The following COPS5 variants were observed in gnomAD, a reference collection of about 807,000 sequenced individuals.
COPS5 encodes the protein COP9 signalosome complex subunit 5.
COPS5 carries 8 observed loss-of-function variants against 44.4 expected under a neutral mutation model. The observed-to-expected ratio is 0.18, with a 90% CI of 0.11 to 0.32. COPS5 has a LOEUF of 0.32. Ranked by LOEUF, COPS5 falls within the 10% of genes least tolerant of loss-of-function variation. The pLI, the probability that COPS5 is intolerant of heterozygous loss-of-function variation, is 1.00. For missense variants in COPS5, 159 were observed against 406.4 expected, an observed-to-expected ratio of 0.39 and a Z score of 5.23; for synonymous variants, 122 against 142.8, an observed-to-expected ratio of 0.85 and a Z score of 1.04.
chr8:67,060,268 A>T, intron 1 of COPS5: 1 of 983,162 alleles, frequency 1.0e-6, no homozygotes, highest in Non-Finnish European at 1.3e-6. Flanking sequence ...TTAGAGCCAC[A>T]ATTAGACAGT....
At chr8:67,044,735 G>A (rs1328813838) in intron 7 of COPS5, 1 of 151,818 alleles carries the variant, frequency 6.6e-6, no homozygotes, top group African/African-American at 2.4e-5. Flanking sequence ...GAATAGCTGG[G>A]ATTACAGGTG....
rs2129537994 is a variant in COPS5 at position 67,058,022 on chromosome 8, G to A, written c.507+61C>T. On this transcript the variant is annotated intron_variant, in intron 3 of 7. Transcript: ENST00000357849. ...TTTACTACACTATTCTTATTTCTCA[G>A]TATACTTGCTTCAGCAAATCTTCAT... is the stretch of plus-strand genomic sequence containing the variant. 3.2e-6 allele frequency: 5 copies of A among 1,553,054 alleles called. No homozygotes were observed. The African/African-American group carries it at 6.8e-5, about 21-fold the overall frequency.
rs998116833 is a variant in COPS5 at position 67,054,794 on chromosome 8, A to AT, written c.659+1724dup. Among the ~76,000 whole-genome samples, 12 of 152,070 alleles carry AT rather than the reference A, an allele frequency of 7.9e-5. No individual in the cohort carries two copies. The South Asian group carries it at 1.7e-3, about 21-fold the overall frequency. ...TAATCATTTATTCATTTAAGCAGCA[A>AT]TTTTTTTTGGTGCCCTCTTCTATGT... is the stretch of plus-strand genomic sequence containing the variant. On this transcript the variant is annotated intron_variant, in intron 5 of 7. Transcript: ENST00000357849.
At chr8:67,056,444 T>C (rs1585714621) in intron 5 of COPS5, 75 bp downstream of exon 5, 3 of 485,406 alleles carry the variant, frequency 6.2e-6, no homozygotes, top group East Asian at 1.1e-4. Flanking sequence ...ATCCTCTCAC[T>C]GTGGCTTCCC....
intron 6 of COPS5, among the ~76,000 whole-genome samples, chr8:67,050,813 G>C (rs961457160): frequency 6.6e-6 from 1 of 150,916 alleles, no homozygotes; most frequent in Non-Finnish European, 1.5e-5. Context: ...TGCAAACTTA[G>C]CTGTGCCTGA....
Position 67,056,650 on chromosome 8 carries a change from AAAATATATATATATATATATATAT to A in COPS5, c.574-70_574-47del, listed in dbSNP as rs1437233783. ...CAGAAGATTAAGAAAAAAAAAAAAA[AAAATATATATATATATATATATAT>A]ATATATATATATATATATATATATA... On this transcript the variant is annotated intron_variant, in intron 4 of 7. Coordinates refer to ENST00000357849, the MANE Select transcript of COPS5 (RefSeq NM_006837.3). 7.5e-3 allele frequency: 562 copies of A among 74,538 alleles called. 87 individuals carry two copies. The highest frequency in any genetic ancestry group is 0.02 in the Middle Eastern group (4 of 202). The allele number at this position is 74,538 out of a possible 1,614,324, so 4.6% of individuals were successfully genotyped here. A position where few individuals can be genotyped will look rare whatever the true frequency, so the allele number is the denominator to read the frequency against.
chr8:67,043,260 T>C lies in COPS5; in HGVS notation c.978A>G (p.Lys326=), dbSNP rs138019004. Residue 326 remains lysine, a synonymous_variant, in exon 8 of 8, where the codon AAA becomes AAG. Transcript: ENST00000357849. ...HGLMSQVIKD[K]LFNQINIS ...AAGAGATGTTAATTTGATTAAACAG[T>C]TTATCCTTAATAACCTGAGACATCA... is the stretch of plus-strand genomic sequence containing the variant. The C allele has an allele frequency of 5.6e-4, 902 of 1,597,392 alleles. 13 individuals are homozygous for C. Among genetic ancestry groups the C allele is most frequent in the Admixed American group, 7.4e-4 (44 of 59,364 alleles).
chr8:67,051,560 G>A (rs764856280), intron 5 of COPS5, among the ~76,000 whole-genome samples: 2 of 151,830 alleles, frequency 1.3e-5, no homozygotes, highest in Non-Finnish European at 2.9e-5. Context: ...CTTTTTTTCT[G>A]TAGAGCCCAG....
intron 1 of COPS5, 22 bp from the exon 2 acceptor site, chr8:67,059,467 T>G: frequency 6.5e-7 from 1 of 1,533,574 alleles, no homozygotes; most frequent in Non-Finnish European, 9.0e-7. Flanking sequence ...AATCACAATG[T>G]AATTAAATTC....
intron 6 of COPS5, chr8:67,047,615 T>C (rs1816717193): frequency 2.2e-6 from 1 of 458,382 alleles, no homozygotes; most frequent in African/African-American, 1.9e-5. Flanking sequence ...TGAACATATA[T>C]CTACATATTT....
intron 7 of COPS5, chr8:67,045,575 G>A (rs1195720745): frequency 1.8e-5 from 9 of 496,544 alleles, no homozygotes; most frequent in African/African-American, 3.9e-5. Context: ...GGAGTGTTCC[G>A]TAACACTGCT....
rs897837453 is a variant in COPS5, at chr8:67,046,105, G to C, written c.772-145C>G. 1.7e-5 allele frequency: 13 copies of C among 786,434 alleles called. No homozygotes were observed. The African/African-American group carries it at 2.1e-4, about 13-fold the overall frequency. 48.7% of individuals were successfully genotyped at this position (786,434 alleles called of 1,614,324 possible). On this transcript the variant is annotated intron_variant, in intron 6 of 7. Transcript: ENST00000357849. ...AAAATCTGAGTGAATAGTCAGTGAG[G>C]AGAGAAGTCAAATTACATTTGCAAA...
chr8:67,051,219 A>G lies in COPS5; in HGVS notation c.771+11T>C, dbSNP rs765591725. ...AAATTCAAATGCATTCTTTACAAGTATAGTACTTACAGTAAGCAAGCTAGA... is the reference window on the plus strand; with the variant it reads ...AAATTCAAATGCATTCTTTACAAGTGTAGTACTTACAGTAAGCAAGCTAGA... On this transcript the variant is annotated intron_variant, in intron 6 of 7. Coordinates refer to ENST00000357849, the MANE Select transcript of COPS5 (RefSeq NM_006837.3). 1.4e-6 allele frequency: 2 copies of G among 1,426,738 alleles called. No homozygotes were observed. The highest frequency in any genetic ancestry group is 9.9e-7 in the Non-Finnish European group (1 of 1,010,558). 88.4% of individuals were successfully genotyped at this position (1,426,738 alleles called of 1,614,324 possible). A position where few individuals can be genotyped will look rare whatever the true frequency, so the allele number is the denominator to read the frequency against.
intron 7 of COPS5, chr8:67,044,454 A>G (rs1218034763): frequency 6.6e-6 from 1 of 152,194 alleles, no homozygotes; most frequent in Non-Finnish European, 1.5e-5. Context: ...CCCAGGATAC[A>G]CTTTAGCTAC....
At chr8:67,058,290 G>C (rs1804540041) in intron 2 of COPS5, 79 bp from the exon 3 acceptor site, 1 of 1,406,688 alleles carries the variant, frequency 7.1e-7, no homozygotes, top group Admixed American at 2.0e-5. Context: ...AGGGTAACCA[G>C]TCTCCTTCCC....
chr8:67,054,384 C>T (rs940110446), intron 5 of COPS5, among the ~76,000 whole-genome samples: 1 of 151,972 alleles, frequency 6.6e-6, no homozygotes, highest in Non-Finnish European at 1.5e-5. Context: ...AAGGTATTTC[C>T]AGGCTTAGGA....
chr8:67,058,697 A>T (rs1563447919), intron 2 of COPS5, among the ~76,000 whole-genome samples: 1 of 148,616 alleles, frequency 6.7e-6, no homozygotes, highest in Non-Finnish European at 1.5e-5. Context: ...GAGTTTATTT[A>T]AAAAAAAAAT....
intron 5 of COPS5, among the ~76,000 whole-genome samples, 167 bp from the exon 6 acceptor site, chr8:67,051,508 G>C (rs1288835574): frequency 6.6e-6 from 1 of 152,032 alleles, no homozygotes; most frequent in African/African-American, 2.4e-5. Context: ...ACACTTCAAG[G>C]GTTGTGGATC....
At chr8:67,053,007 C>T (rs1804441734) in intron 5 of COPS5, among the ~76,000 whole-genome samples, 1 of 151,856 alleles carries the variant, frequency 6.6e-6, no homozygotes, top group Non-Finnish European at 1.5e-5. Context: ...GAAGCCACTG[C>T]AGCAGGGAAG....
Sources: allele counts gnomAD v4.1 joint callset (sites outside exome capture counted in the v4.1 genomes callset), GRCh38; gene constraint gnomAD v4.1.1; transcripts MANE v1.5; gene names NCBI Gene and HGNC (gene_info 2026-07-23, HGNC 2026-07-21).